ADA2: variants seen among roughly 807,000 people sequenced by gnomAD.
ADA2 encodes adenosine deaminase CECR1.
In ADA2, 29 loss-of-function variants were observed where a neutral mutation model predicts 44.2. The ratio of observed to expected loss-of-function variants is 0.66; its 90% CI spans 0.49 to 0.89. The LOEUF is 0.89. ADA2 is among the 40% of genes least tolerant of loss of function. ADA2 has a pLI of 0.00. For synonymous variants in ADA2, 215 were observed against 234.9 expected, an observed-to-expected ratio of 0.92 and a Z score of 0.77; for missense variants, 637 against 644.8, an observed-to-expected ratio of 0.99 and a Z score of 0.13.
intron 4 of ADA2, chr22:17,199,600 A>G: frequency 6.2e-7 from 1 of 1,614,070 alleles, no homozygotes. Context: ...AAAAAGGAAA[A>G]TTGAAGCCAG....
At position 17,195,269 on chromosome 22, in the gene ADA2, A is replaced by G. The variant is rs188652872; in HGVS notation, c.754-3459T>C. 8.7e-3 allele frequency among the ~76,000 whole-genome samples: 1,327 copies of G among 152,328 alleles called. 13 individuals are homozygous for G. The highest frequency in any genetic ancestry group is 0.03 in the African/African-American group (1,230 of 41,584). On this transcript the variant is annotated intron_variant, in intron 4 of 9. Transcript: ENST00000399837. Reference sequence around the variant, plus strand: ...TGTGATGGCTCATGCCTGTAATCCCAGCACTTTGGGAGGCGGAGGCAGATC... The same window carrying G: ...TGTGATGGCTCATGCCTGTAATCCCGGCACTTTGGGAGGCGGAGGCAGATC...
chr22:17,186,334 A>C (rs1257750774), intron 7 of ADA2, among the ~76,000 whole-genome samples: 1 of 152,148 alleles, frequency 6.6e-6, no homozygotes, highest in Non-Finnish European at 1.5e-5. Flanking sequence ...TAATCCCAGC[A>C]CTTTGGGAGG....
At chr22:17,219,661 G>T (rs9605234), upstream of ADA2, 115,362 of 125,480 alleles carry the variant, frequency 0.92, 53,386 homozygotes, top group Middle Eastern at 0.96. Flanking sequence ...TGCATGTGGG[G>T]TTTGTTTTTT....
intron 9 of ADA2, 91 bp from the exon 10 acceptor site, chr22:17,181,667 C>T: frequency 1.8e-6 from 2 of 1,094,884 alleles, no homozygotes; most frequent in East Asian, 2.3e-5. Context: ...CCTTGCAGAG[C>T]ACTCTCCCCA....
chr22:17,215,978 G>T (rs2062466834), intron 1 of ADA2, among the ~76,000 whole-genome samples: 1 of 151,964 alleles, frequency 6.6e-6, no homozygotes. Flanking sequence ...CACGAGGTCA[G>T]GAGTTCGAGA....
At chr22:17,207,423 C>T in intron 2 of ADA2, 133 bp from the exon 3 acceptor site, 2 of 621,154 alleles carry the variant, frequency 3.2e-6, no homozygotes, top group Non-Finnish European at 5.6e-6. Context: ...GGTGAAGTCC[C>T]ATCCCAGGGC....
chr22:17,199,448 C>CCTCCCCTCCTCA, intron 4 of ADA2: 1 of 1,129,592 alleles, frequency 8.9e-7, no homozygotes. Flanking sequence ...TCTTCCCCTC[C>CCTCCCCTCCTCA]ACCCACGAAG....
chr22:17,212,650 C>T (rs1382974851), intron 1 of ADA2, among the ~76,000 whole-genome samples: 1 of 152,148 alleles, frequency 6.6e-6, no homozygotes, highest in Non-Finnish European at 1.5e-5. Flanking sequence ...ATAAGGAAAT[C>T]AAACAACTCA....
intron 5 of ADA2, among the ~76,000 whole-genome samples, chr22:17,190,522 T>C (rs79002507): frequency 0.018 from 2,746 of 152,238 alleles, 78 homozygotes; most frequent in African/African-American, 0.062. Flanking sequence ...AGATCCTGGG[T>C]ACTGCAGAAC....
intron 4 of ADA2, among the ~76,000 whole-genome samples, chr22:17,195,904 C>T (rs1171444131): frequency 2.0e-5 from 3 of 151,934 alleles, no homozygotes; most frequent in Non-Finnish European, 2.9e-5. Context: ...CATGCCACCA[C>T]GCCTGGCTAT....
intron 7 of ADA2, among the ~76,000 whole-genome samples, chr22:17,185,246 A>T (rs1316381723): frequency 1.3e-5 from 2 of 150,828 alleles, no homozygotes; most frequent in Non-Finnish European, 3.0e-5. Context: ...CCCCGTCTCT[A>T]CTAAAAATAC....
intron 1 of ADA2, chr22:17,213,689 G>A (rs550187391): frequency 8.1e-5 from 20 of 246,718 alleles, no homozygotes; most frequent in South Asian, 6.2e-4. Flanking sequence ...AGTGGACCCC[G>A]GCCCGCGCAG....
At chr22:17,204,700 C>T (rs892408910) in intron 3 of ADA2, among the ~76,000 whole-genome samples, 4 of 151,964 alleles carry the variant, frequency 2.6e-5, no homozygotes, top group Admixed American at 6.6e-5. Context: ...GCCTTCTGCA[C>T]GCCAAGGACA....
chr22:17,186,793 C>T (rs147634107), intron 7 of ADA2, among the ~76,000 whole-genome samples: 2 of 149,032 alleles, frequency 1.3e-5, no homozygotes, highest in East Asian at 2.0e-4. Flanking sequence ...CACTTGAACC[C>T]GGGAGGCAGA....
intron 4 of ADA2, among the ~76,000 whole-genome samples, chr22:17,198,105 G>A (rs1017926720): frequency 2.6e-5 from 4 of 151,838 alleles, no homozygotes; most frequent in South Asian, 2.1e-4. Flanking sequence ...GCTGGAGGCC[G>A]ACCACATTTC....
At chr22:17,190,537 CA>C (rs1385609067) in intron 5 of ADA2, among the ~76,000 whole-genome samples, 10 of 152,214 alleles carry the variant, frequency 6.6e-5, no homozygotes, top group Admixed American at 3.9e-4. Flanking sequence ...CAGAACCCTA[CA>C]GGGGCAAGGC....
intron 6 of ADA2, among the ~76,000 whole-genome samples, chr22:17,188,957 C>T (rs1488210647): frequency 1.5e-4 from 22 of 148,414 alleles, no homozygotes; most frequent in African/African-American, 5.4e-4. Context: ...GACCCTCCCA[C>T]CTTGGCCCCC....
chr22:17,188,381 C>T lies in ADA2; in HGVS notation c.1039G>A (p.Asp347Asn), dbSNP rs2123633860. The T allele has an allele frequency of 6.2e-7, 1 of 1,614,156 alleles. No homozygotes were observed. Among genetic ancestry groups the T allele is most frequent in the East Asian group, 2.2e-5 (1 of 44,860 alleles). Reference sequence around the variant, plus strand: ...AAGAAGTAAGGCAGCTTAACGCCATCCTTGGCGGGGATCATCAGAGCTTCC... The same window carrying T: ...AAGAAGTAAGGCAGCTTAACGCCATTCTTGGCGGGGATCATCAGAGCTTCC... ...YKEALMIPAKDGVKLPYFFHA... is the reference protein window; with the variant it reads ...YKEALMIPAKNGVKLPYFFHA... The change falls in exon 7 of 10, where the codon GAT (aspartate) becomes AAT (asparagine). Residue 347 changes from aspartate (D) to asparagine (N), a missense_variant. Physicochemically the swap from Asp to Asn is conservative, Grantham distance 23 (BLOSUM62 1). Transcript: ENST00000399837.
In ADA2 at chr22:17,181,817, C is replaced by T. The variant is rs1179084266; in HGVS notation, c.1442+3G>A. ...GGGACCTGGGAGGACACAGGACACTCACTTGATAGAGTTCATGGCCAGCTG... is the reference window on the plus strand; with the variant it reads ...GGGACCTGGGAGGACACAGGACACTTACTTGATAGAGTTCATGGCCAGCTG... On this transcript the variant is annotated splice_donor_region_variant and intron_variant, in intron 9 of 9. Transcript: ENST00000399837. 1 of 1,612,132 alleles carries T rather than the reference C, an allele frequency of 6.2e-7. No homozygotes were observed. The highest frequency in any genetic ancestry group is 8.5e-7 in the Non-Finnish European group (1 of 1,179,062).
Sources: gnomAD v4.1 joint callset for allele counts (sites outside exome capture counted in the v4.1 genomes callset) on GRCh38, gnomAD v4.1.1 for gene constraint, MANE v1.5 for transcripts, NCBI Gene and HGNC (gene_info 2026-07-23, HGNC 2026-07-21) for gene names.